Variants in MARCHF5 observed in about 807,000 individuals in gnomAD.
The protein encoded by MARCHF5 is membrane associated ring-CH-type finger 5, also known as E3 ubiquitin-protein ligase MARCHF5.
Under a neutral mutation model 36.5 loss-of-function variants are expected in MARCHF5, and 5 were observed. The ratio of observed to expected loss-of-function variants is 0.14; its 90% CI spans 0.07 to 0.29. The LOEUF is 0.29. MARCHF5 is among the 10% of genes least tolerant of loss of function. The pLI is 1.00. For missense variants in MARCHF5, 179 were observed against 336.3 expected (o/e 0.53, Z 3.66); for synonymous variants, 103 against 109.9 (o/e 0.94, Z 0.39).
intron 2 of MARCHF5, among the ~76,000 whole-genome samples, chr10:92,332,214 A>G (rs1843444566): frequency 6.6e-6 from 1 of 151,924 alleles, no homozygotes; most frequent in Middle Eastern, 3.2e-3. Context: ...ACAATAAAAT[A>G]TATATAATTA....
chr10:92,293,062 G>T (rs1442932315), intron 1 of MARCHF5, among the ~76,000 whole-genome samples: 1 of 151,946 alleles, frequency 6.6e-6, no homozygotes, highest in Non-Finnish European at 1.5e-5. Context: ...TCCTTTGAGG[G>T]CCTCCTGCTT....
At chr10:92,326,318 T>C (rs562301097) in intron 2 of MARCHF5, among the ~76,000 whole-genome samples, 4 of 152,298 alleles carry the variant, frequency 2.6e-5, no homozygotes, top group African/African-American at 9.6e-5. Flanking sequence ...TTTAAACCTC[T>C]CGAAAGCTCT....
At chr10:92,331,941 G>A (rs992606037) in intron 2 of MARCHF5, among the ~76,000 whole-genome samples, 15 of 129,942 alleles carry the variant, frequency 1.2e-4, no homozygotes, top group African/African-American at 3.6e-4. Context: ...ATATATAATC[G>A]TATATATATG....
At chr10:92,333,292 T>C (rs1011884136) in intron 2 of MARCHF5, among the ~76,000 whole-genome samples, 5 of 151,068 alleles carry the variant, frequency 3.3e-5, no homozygotes, top group African/African-American at 7.3e-5. Flanking sequence ...GGCCACAGAG[T>C]ACTGTGGCTA....
At position 92,311,216 on chromosome 10, in the gene MARCHF5, A is replaced by C; in HGVS notation, c.117A>C (p.Thr39=). ...WVRPCRCRGS[T]KWVHQACLQR... ...GACCATGCAGGTGCAGAGGATCTAC[A>C]AAATGGGTTCACCAGGCCTGTCTAC... is the stretch of plus-strand genomic sequence containing the variant. The change falls in exon 2 of 6, where the codon ACA becomes ACC. Residue 39 remains threonine (T), a synonymous_variant. Transcript: ENST00000358935. 1.2e-6 allele frequency: 2 copies of C among 1,614,208 alleles called. No individual in the cohort carries two copies. The highest frequency in any genetic ancestry group is 1.7e-6 in the Non-Finnish European group (2 of 1,180,022).
chr10:92,311,530 A>G (rs774295394), intron 2 of MARCHF5, among the ~76,000 whole-genome samples, 193 bp downstream of exon 2: 11 of 152,076 alleles, frequency 7.2e-5, no homozygotes, highest in African/African-American at 1.2e-4. Flanking sequence ...TATATCCCCA[A>G]ATTTATCCAT....
rs528245667 is a variant in MARCHF5 at position 92,353,506 on chromosome 10, A to G, written c.*2299A>G. 3.3e-5 allele frequency: 5 copies of G among 152,362 alleles called. No homozygotes were observed. The highest frequency in any genetic ancestry group is 2.9e-5 in the Non-Finnish European group (2 of 68,042). The allele number at this position is 152,362 out of a possible 1,614,324, so 9.4% of individuals were successfully genotyped here. A position where few individuals can be genotyped will look rare whatever the true frequency, so the allele number is the denominator to read the frequency against. On this transcript the variant is annotated 3_prime_UTR_variant, in exon 6 of 6. Coordinates refer to ENST00000358935, the MANE Select transcript of MARCHF5 (RefSeq NM_017824.5). ...AAAGGAACAGCAGCACTTAGGCTCA[A>G]AATCGCCCCTACAAAGCAGTAGTTG...
At chr10:92,326,688 T>C (rs1359354715) in intron 2 of MARCHF5, among the ~76,000 whole-genome samples, 1 of 152,126 alleles carries the variant, frequency 6.6e-6, no homozygotes, top group East Asian at 1.9e-4. Flanking sequence ...AATTGCCTGT[T>C]CTCTTTTCTT....
rs1268342646 is a variant in MARCHF5 at position 92,340,565 on chromosome 10, C to T, written c.239-108C>T. On this transcript the variant is annotated intron_variant, in intron 2 of 5. Coordinates refer to ENST00000358935, the MANE Select transcript of MARCHF5 (RefSeq NM_017824.5). ...ATAATCTGGATGACAAAGTGAGACC[C>T]TGTGTCTTGTTGGGGGGAAGGTATT... The T allele has an allele frequency of 9.6e-6, 10 of 1,043,146 alleles. No homozygotes were observed. In the East Asian group the frequency reaches 2.5e-4, roughly 27 times the overall value. The allele number at this position is 1,043,146 out of a possible 1,614,324, so 64.6% of individuals were successfully genotyped here.
chr10:92,348,148 A>G (rs1590670269), intron 3 of MARCHF5, among the ~76,000 whole-genome samples: 1 of 147,348 alleles, frequency 6.8e-6, no homozygotes, highest in South Asian at 2.1e-4. Context: ...GTGCCATTGC[A>G]CTCCAGCCTG....
intron 1 of MARCHF5, among the ~76,000 whole-genome samples, chr10:92,307,863 CT>C (rs1843095021): frequency 6.6e-6 from 1 of 152,004 alleles, no homozygotes; most frequent in African/African-American, 2.4e-5. Context: ...CAGAGCAAGA[CT>C]TTGGGCTGCT....
intron 2 of MARCHF5, among the ~76,000 whole-genome samples, chr10:92,327,902 G>A (rs1843386405): frequency 6.6e-6 from 1 of 152,050 alleles, no homozygotes; most frequent in South Asian, 2.1e-4. Context: ...GGAGAAATGT[G>A]GCAAACACTA....
intron 2 of MARCHF5, among the ~76,000 whole-genome samples, chr10:92,332,676 A>G (rs542603691): frequency 3.3e-5 from 5 of 151,572 alleles, no homozygotes; most frequent in African/African-American, 1.2e-4. Flanking sequence ...GCACGCCACC[A>G]TGCCCAGCTA....
intron 1 of MARCHF5, among the ~76,000 whole-genome samples, chr10:92,294,050 C>T (rs1842922344): frequency 6.6e-6 from 1 of 151,924 alleles, no homozygotes. Context: ...GACTGTAAGA[C>T]CAATAAGATC....
intron 3 of MARCHF5, among the ~76,000 whole-genome samples, chr10:92,341,691 C>T (rs1198064282): frequency 6.6e-6 from 1 of 151,508 alleles, no homozygotes; most frequent in Non-Finnish European, 1.5e-5. Flanking sequence ...TGAAATCAAA[C>T]TTGTCACTTC....
chr10:92,308,969 T>C (rs1250920798), intron 1 of MARCHF5, among the ~76,000 whole-genome samples: 1 of 152,210 alleles, frequency 6.6e-6, no homozygotes, highest in Non-Finnish European at 1.5e-5. Flanking sequence ...CCTCCCAAAG[T>C]GCTGGGATTA....
chr10:92,312,791 G>T (rs569280368), intron 2 of MARCHF5, among the ~76,000 whole-genome samples: 8 of 152,234 alleles, frequency 5.3e-5, no homozygotes, highest in Non-Finnish European at 1.2e-4. Flanking sequence ...GTTGACAAGT[G>T]TATGGCACTC....
At chr10:92,337,633 A>G (rs115750694) in intron 2 of MARCHF5, among the ~76,000 whole-genome samples, 2,440 of 149,688 alleles carry the variant, frequency 0.016, 62 homozygotes, top group African/African-American at 0.057. Context: ...TTTGGTTTTA[A>G]TTTTTTTTTT....
At chr10:92,349,858 C>G in intron 5 of MARCHF5, 21 bp downstream of exon 5, 1 of 1,575,644 alleles carries the variant, frequency 6.3e-7, no homozygotes, top group Non-Finnish European at 8.7e-7. Context: ...TTTAACATTA[C>G]TTATATTACC....
Sources: gnomAD v4.1 joint callset for allele counts (sites outside exome capture counted in the v4.1 genomes callset) on GRCh38, gnomAD v4.1.1 for gene constraint, MANE v1.5 for transcripts, NCBI Gene and HGNC (gene_info 2026-07-23, HGNC 2026-07-21) for gene names.